RNF19A: variants seen among roughly 807,000 people sequenced by gnomAD.
RNF19A encodes E3 ubiquitin-protein ligase RNF19A.
RNF19A carries 32 observed loss-of-function variants against 75.7 expected under a neutral mutation model. The observed-to-expected ratio is 0.42, with a 90% CI of 0.32 to 0.57. RNF19A has a LOEUF of 0.57. Ranked by LOEUF, RNF19A falls within the 20% of genes least tolerant of loss-of-function variation. The pLI is 0.10. For missense variants in RNF19A, 782 were observed against 1,036.3 expected, an observed-to-expected ratio of 0.75 and a Z score of 3.37; for synonymous variants, 335 against 345.2, an observed-to-expected ratio of 0.97 and a Z score of 0.33.
chr8:100,258,525 C>T lies in RNF19A; in HGVS notation c.*31G>A, dbSNP rs1819554314. ...TCAACCAGCTCCAAACACGGTTGTA[C>T]AGTGGTAATTATTCTGCAGCATTTA... On this transcript the variant is annotated 3_prime_UTR_variant, in exon 10 of 10. Coordinates refer to ENST00000341084, the MANE Select transcript of RNF19A (RefSeq NM_183419.4). This position sits in a 1 kb window ranked among gnomAD's most constrained non-coding sequence, Gnocchi z 4.3. 2 of 1,545,418 alleles carry T rather than the reference C, an allele frequency of 1.3e-6. No individual in the cohort carries two copies. The highest frequency in any genetic ancestry group is 1.4e-5 in the African/African-American group (1 of 73,340).
At chr8:100,291,839 G>A (rs1015022097) in intron 1 of RNF19A, among the ~76,000 whole-genome samples, 1 of 152,114 alleles carries the variant, frequency 6.6e-6, no homozygotes. Context: ...GTGTACCTAT[G>A]TCTTCTAATT....
chr8:100,300,166 T>C (rs1472600425), intron 1 of RNF19A, among the ~76,000 whole-genome samples: 1 of 152,196 alleles, frequency 6.6e-6, no homozygotes, highest in Non-Finnish European at 1.5e-5. Flanking sequence ...GTATTCAAAT[T>C]AGCTTCTCTT....
rs1277521883 is a variant in RNF19A at position 100,330,180 on chromosome 8, C to A, written c.-243+5928G>T. 1.3e-5 allele frequency among the ~76,000 whole-genome samples: 2 copies of A among 152,184 alleles called. No individual in the cohort carries two copies. Among genetic ancestry groups the A allele is most frequent in the Non-Finnish European group, 2.9e-5 (2 of 68,014 alleles). On this transcript the variant is annotated intron_variant, in intron 1 of 3. Coordinates refer to the RNF19A transcript ENST00000519527. This position sits in a 1 kb window ranked among gnomAD's most constrained non-coding sequence, Gnocchi z 4.1. ...GAGTTTGCTCCCACAATCTCCCCAA[C>A]CTTCTCTAGCATCTTAACTTTTTCT... is the stretch of plus-strand genomic sequence containing the variant.
At chr8:100,328,697 C>T (rs1459721765) in intron 1 of RNF19A, among the ~76,000 whole-genome samples, 2 of 152,118 alleles carry the variant, frequency 1.3e-5, no homozygotes, top group Non-Finnish European at 2.9e-5. Context: ...GTCTCAAACT[C>T]CTGACCTCGT....
intron 1 of RNF19A, among the ~76,000 whole-genome samples, chr8:100,295,109 C>G (rs1291171044): frequency 1.3e-5 from 2 of 152,178 alleles, no homozygotes; most frequent in African/African-American, 2.4e-5. Context: ...ACAGATACTT[C>G]AGATGATATC....
At position 100,257,841 on chromosome 8, in the gene RNF19A, A is replaced by G. The variant is rs1252645867; in HGVS notation, c.*715T>C. 22 of 393,310 alleles carry G rather than the reference A, an allele frequency of 5.6e-5. No individual in the cohort carries two copies. 24.4% of individuals were successfully genotyped at this position (393,310 alleles called of 1,614,324 possible). A position where few individuals can be genotyped will look rare whatever the true frequency, so the allele number is the denominator to read the frequency against. On this transcript the variant is annotated 3_prime_UTR_variant, in exon 10 of 10. Coordinates refer to ENST00000341084, the MANE Select transcript of RNF19A (RefSeq NM_183419.4). ...ATAACCTAATGGGACTTTATTTTGTAGTTTTATGTATCTTATTTGTTGCTG... is the reference window on the plus strand; with the variant it reads ...ATAACCTAATGGGACTTTATTTTGTGGTTTTATGTATCTTATTTGTTGCTG...
intron 1 of RNF19A, among the ~76,000 whole-genome samples, chr8:100,302,615 T>A (rs1370517072): frequency 6.6e-6 from 1 of 152,144 alleles, no homozygotes; most frequent in African/African-American, 2.4e-5. Flanking sequence ...TGTAAAATCG[T>A]GAACACAGAT....
Position 100,317,251 on chromosome 8 carries a change from G to C in RNF19A, c.-242-3879C>G, listed in dbSNP as rs2130326987. Among the ~76,000 whole-genome samples the C allele has an allele frequency of 6.6e-6, 1 of 152,350 alleles. No individual in the cohort carries two copies. ...GGCTCTCACAGTGCAGTGGTGGGCT[G>C]AAGGGCTCCTCAAATGCCGCCAAAG... On this transcript the variant is annotated intron_variant, in intron 1 of 3. Transcript: ENST00000519527. This position sits in a 1 kb window ranked among gnomAD's most constrained non-coding sequence, Gnocchi z 4.3.
chr8:100,273,223 C>A (rs529314074), intron 3 of RNF19A, among the ~76,000 whole-genome samples: 1 of 152,080 alleles, frequency 6.6e-6, no homozygotes, highest in South Asian at 2.1e-4. Flanking sequence ...TTAAAACAAT[C>A]GCCTTGAGAC....
chr8:100,332,587 T>A lies in RNF19A; in HGVS notation c.-243+3521A>T, dbSNP rs1459629988. ...TCCAATTATCCTACAAGTGATCACA[T>A]AAATCACCTTGATAAGACAAATGGT... On this transcript the variant is annotated intron_variant, in intron 1 of 3. Transcript: ENST00000519527. The surrounding 1 kb of genome is among the most constrained non-coding windows in gnomAD (Gnocchi z 4.8). Among the ~76,000 whole-genome samples the A allele has an allele frequency of 6.6e-6, 1 of 152,258 alleles. No homozygotes were observed. The highest frequency in any genetic ancestry group is 1.5e-5 in the Non-Finnish European group (1 of 68,038).
rs1052871971 is a variant in RNF19A, at chr8:100,258,798, T to C, written c.2275A>G (p.Ile759Val). 2 of 1,614,210 alleles carry C rather than the reference T, an allele frequency of 1.2e-6. No individual in the cohort carries two copies. The highest frequency in any genetic ancestry group is 8.5e-7 in the Non-Finnish European group (1 of 1,180,040). The change falls in exon 10 of 10, where the codon ATT becomes GTT. Residue 759 changes from isoleucine to valine, a missense_variant. Coordinates refer to ENST00000341084, the MANE Select transcript of RNF19A (RefSeq NM_183419.4). This position sits in a 1 kb window ranked among gnomAD's most constrained non-coding sequence, Gnocchi z 4.3. ...DYHTRFATVN[I>V]LPEVENDRLE... ...CGGTCATTTTCTACCTCAGGAAGAATGTTAACAGTAGCAAAGCGGGTGTGA... is the reference window on the plus strand; with the variant it reads ...CGGTCATTTTCTACCTCAGGAAGAACGTTAACAGTAGCAAAGCGGGTGTGA...
rs140278689 is a variant in RNF19A at position 100,325,615 on chromosome 8, T to C, written c.-243+10493A>G. Among the ~76,000 whole-genome samples the C allele has an allele frequency of 4.0e-3, 613 of 152,298 alleles. 2 individuals carry two copies. The highest frequency in any genetic ancestry group is 6.6e-3 in the Non-Finnish European group (450 of 68,014). On this transcript the variant is annotated intron_variant, in intron 1 of 3. Transcript: ENST00000519527. This position sits in a 1 kb window ranked among gnomAD's most constrained non-coding sequence, Gnocchi z 4.3. ...GCCCTGGGTCCTCAAGCCCAGCCTA[T>C]ATTTGCCATATCTTGGCCCCATCCC...
Position 100,287,925 on chromosome 8 carries a change from G to C in RNF19A, c.250C>G (p.Leu84Val), listed in dbSNP as rs1821102643. The C allele has an allele frequency of 6.2e-7, 1 of 1,614,128 alleles. No homozygotes were observed. Among genetic ancestry groups the C allele is most frequent in the East Asian group, 2.2e-5 (1 of 44,882 alleles). Residue 84 changes from leucine (L) to valine (V), a missense_variant, in exon 2 of 10, where the codon CTA becomes GTA. Leu to Val is a conservative substitution (Grantham distance 32). Transcript: ENST00000341084. This position sits in a 1 kb window ranked among gnomAD's most constrained non-coding sequence, Gnocchi z 4.1. ...KKDNKRKSRE[L>V]NGGVDGIASI... ...GCAATTCCATCCACCCCGCCATTTAGCTCCCTTGATTTACGTTTGTTATCT... is the reference window on the plus strand; with the variant it reads ...GCAATTCCATCCACCCCGCCATTTACCTCCCTTGATTTACGTTTGTTATCT...
chr8:100,259,138 A>G lies in RNF19A; in HGVS notation c.1935T>C (p.His645=), dbSNP rs1218606888. ...SVDDGSATRS[H]AGGSSSGLPE... ...GCAAGCCACTGGATGAACCGCCAGC[A>G]TGACTTCGGGTGGCACTGCCATCAT... Residue 645 remains histidine, a synonymous_variant, in exon 10 of 10, where the codon CAT becomes CAC. Coordinates refer to ENST00000341084, the MANE Select transcript of RNF19A (RefSeq NM_183419.4). This position sits in a 1 kb window ranked among gnomAD's most constrained non-coding sequence, Gnocchi z 4.5. The G allele has an allele frequency of 6.2e-7, 1 of 1,614,180 alleles. No individual in the cohort carries two copies. Among genetic ancestry groups the G allele is most frequent in the East Asian group, 2.2e-5 (1 of 44,888 alleles).
At chr8:100,274,397 T>C (rs936967176) in intron 3 of RNF19A, among the ~76,000 whole-genome samples, 1 of 152,116 alleles carries the variant, frequency 6.6e-6, no homozygotes, top group African/African-American at 2.4e-5. Flanking sequence ...CACAAATCTT[T>C]AGGAAAGAGA....
At position 100,323,474 on chromosome 8, in the gene RNF19A, T is replaced by A. The variant is rs1822490016; in HGVS notation, c.-242-10102A>T. 6.6e-6 allele frequency among the ~76,000 whole-genome samples: 1 copy of A among 152,248 alleles called. No individual in the cohort carries two copies. ...TTTGCAGGATGACCACGTTTCACCC[T>A]TCTTTTCTGCCATCCATTCTTAGAA... On this transcript the variant is annotated intron_variant, in intron 1 of 3. Coordinates refer to the RNF19A transcript ENST00000519527. This position sits in a 1 kb window ranked among gnomAD's most constrained non-coding sequence, Gnocchi z 4.6.
chr8:100,274,300 T>C (rs1172157338), intron 3 of RNF19A, among the ~76,000 whole-genome samples: 1 of 152,194 alleles, frequency 6.6e-6, no homozygotes, highest in Non-Finnish European at 1.5e-5. Context: ...CTGCTGACTC[T>C]TCAGGGAACA....
intron 1 of RNF19A, chr8:100,309,500 G>T: frequency 1.0e-6 from 1 of 985,536 alleles, no homozygotes; most frequent in Non-Finnish European, 1.2e-6. Flanking sequence ...GAGACAGCTC[G>T]AGGGGAGCGC....
At chr8:100,281,530 T>C (rs1820782626) in intron 2 of RNF19A, among the ~76,000 whole-genome samples, 1 of 152,124 alleles carries the variant, frequency 6.6e-6, no homozygotes, top group African/African-American at 2.4e-5. Context: ...ATATTCTACC[T>C]GGAGCAAATT....
Sources: allele counts gnomAD v4.1 joint callset (sites outside exome capture counted in the v4.1 genomes callset), GRCh38; gene constraint gnomAD v4.1.1; non-coding constraint Gnocchi (gnomAD v3.1); transcripts MANE v1.5; gene names NCBI Gene and HGNC (gene_info 2026-07-23, HGNC 2026-07-21).